The following ALKAL1 variants were observed in gnomAD, a reference collection of about 807,000 sequenced individuals.
ALKAL1 encodes the protein AUG-beta.
Under a neutral mutation model 13.5 loss-of-function variants are expected in ALKAL1, and 23 were observed. The observed-to-expected ratio is 1.70, with a 90% CI of 1.23 to 2.41. ALKAL1 has a LOEUF of 2.41. Ranked by LOEUF, ALKAL1 falls within the 30% of genes most tolerant of loss-of-function variation. The pLI, the probability that ALKAL1 is intolerant of heterozygous loss-of-function variation, is 0.00. For missense variants in ALKAL1, 181 were observed against 178.4 expected, an observed-to-expected ratio of 1.01 and a Z score of -0.08; for synonymous variants, 85 against 77.7, an observed-to-expected ratio of 1.09 and a Z score of -0.49.
intron 4 of ALKAL1, among the ~76,000 whole-genome samples, chr8:52,537,213 T>C (rs149083237): frequency 1.3e-5 from 2 of 151,990 alleles, no homozygotes; most frequent in East Asian, 3.9e-4. Flanking sequence ...AACAAATATA[T>C]GAAAAAAATG....
At chr8:52,548,186 T>C (rs1367369516) in intron 1 of ALKAL1, among the ~76,000 whole-genome samples, 1 of 151,954 alleles carries the variant, frequency 6.6e-6, no homozygotes, top group Non-Finnish European at 1.5e-5. Context: ...CTGTGTCTAC[T>C]AAAAATACAA....
chr8:52,547,402 A>G (rs1302081257), intron 1 of ALKAL1, among the ~76,000 whole-genome samples: 1 of 152,292 alleles, frequency 6.6e-6, no homozygotes, highest in African/African-American at 2.4e-5. Flanking sequence ...CGGAAGGCTG[A>G]GGGAGGAGAA....
At chr8:52,552,596 T>C (rs531880578) in intron 1 of ALKAL1, among the ~76,000 whole-genome samples, 2 of 152,366 alleles carry the variant, frequency 1.3e-5, no homozygotes, top group African/African-American at 2.4e-5. Flanking sequence ...ACACAAGCAA[T>C]GACTGATGAA....
At chr8:52,540,378 C>T (rs1007820683) in intron 2 of ALKAL1, among the ~76,000 whole-genome samples, 10 of 152,014 alleles carry the variant, frequency 6.6e-5, no homozygotes, top group African/African-American at 2.2e-4. Context: ...GTAAAATGAG[C>T]AGGGCCTTGA....
At chr8:52,552,423 G>A (rs559157828) in intron 1 of ALKAL1, among the ~76,000 whole-genome samples, 14 of 151,626 alleles carry the variant, frequency 9.2e-5, no homozygotes, top group South Asian at 8.5e-4. Context: ...CCCCAGCCCC[G>A]TACTGTACTT....
At position 52,542,463 on chromosome 8, in the gene ALKAL1, AC is replaced by A. The variant is rs1563320416; in HGVS notation, c.191-19del. On this transcript the variant is annotated intron_variant, in intron 1 of 4. Coordinates refer to ENST00000358543, the MANE Select transcript of ALKAL1 (RefSeq NM_207413.4). ...GAATATTTCTGAAAAGAAAAAAAAA[AC>A]CATCAGAATTTATTGAATGCATTTC... 6.9e-7 allele frequency: 1 copy of A among 1,445,416 alleles called. No homozygotes were observed. Among genetic ancestry groups the A allele is most frequent in the Admixed American group, 2.0e-5 (1 of 49,712 alleles). The allele number at this position is 1,445,416 out of a possible 1,614,324, so 89.5% of individuals were successfully genotyped here. A position where few individuals can be genotyped will look rare whatever the true frequency, so the allele number is the denominator to read the frequency against.
At chr8:52,541,052 T>C (rs933173693) in intron 2 of ALKAL1, among the ~76,000 whole-genome samples, 2 of 152,106 alleles carry the variant, frequency 1.3e-5, no homozygotes, top group Non-Finnish European at 2.9e-5. Context: ...ATAGTAAATA[T>C]GGGGATGTAC....
intron 1 of ALKAL1, among the ~76,000 whole-genome samples, chr8:52,550,521 A>G (rs1847419174): frequency 1.3e-5 from 2 of 152,164 alleles, no homozygotes; most frequent in African/African-American, 2.4e-5. Context: ...ACGACCATAT[A>G]TTGTGTATTT....
At chr8:52,538,409 A>T (rs13280500) in intron 4 of ALKAL1, 22 bp downstream of exon 4, 3 of 1,396,736 alleles carry the variant, frequency 2.1e-6, no homozygotes, top group East Asian at 2.3e-5. Context: ...AAACAGGATA[A>T]GAAAAATAAA....
At chr8:52,544,407 C>T (rs547630613) in intron 1 of ALKAL1, among the ~76,000 whole-genome samples, 5 of 152,192 alleles carry the variant, frequency 3.3e-5, no homozygotes, top group African/African-American at 7.2e-5. Context: ...AAGACTGCAG[C>T]GTGTTCAAGT....
chr8:52,556,413 C>T (rs554929261), intron 1 of ALKAL1, among the ~76,000 whole-genome samples: 9 of 151,660 alleles, frequency 5.9e-5, no homozygotes, highest in Admixed American at 3.3e-4. Flanking sequence ...TTTGGGAGGC[C>T]GAGACGGGCG....
chr8:52,556,420 G>A (rs2150347323), intron 1 of ALKAL1, among the ~76,000 whole-genome samples: 1 of 152,034 alleles, frequency 6.6e-6, no homozygotes, highest in Middle Eastern at 3.4e-3. Flanking sequence ...GGCCGAGACG[G>A]GCGGATCACG....
At chr8:52,546,793 G>T (rs1031938314) in intron 1 of ALKAL1, among the ~76,000 whole-genome samples, 14 of 152,340 alleles carry the variant, frequency 9.2e-5, no homozygotes, top group Admixed American at 8.5e-4. Context: ...CAGGTGTATT[G>T]TTGCCATTGT....
chr8:52,562,382 T>A (rs1039868506), intron 1 of ALKAL1, among the ~76,000 whole-genome samples: 15 of 152,076 alleles, frequency 9.9e-5, no homozygotes, highest in African/African-American at 3.6e-4. Context: ...GTCAACAATG[T>A]TGCCCATCCC....
At chr8:52,536,924 A>T (rs1847271189) in intron 4 of ALKAL1, among the ~76,000 whole-genome samples, 1 of 152,202 alleles carries the variant, frequency 6.6e-6, no homozygotes, top group South Asian at 2.1e-4. Context: ...CCGAGTTTTA[A>T]CATTTAGTGA....
At chr8:52,535,504 T>C (rs1847256352) in intron 4 of ALKAL1, among the ~76,000 whole-genome samples, 1 of 118,224 alleles carries the variant, frequency 8.5e-6, no homozygotes, top group Non-Finnish European at 1.6e-5. Context: ...CGAGCTATGA[T>C]CAAGCCACTG....
intron 4 of ALKAL1, among the ~76,000 whole-genome samples, chr8:52,537,484 A>G (rs755948431): frequency 2.6e-5 from 4 of 152,170 alleles, no homozygotes; most frequent in Non-Finnish European, 5.9e-5. Context: ...TATTTATCCA[A>G]AGGAAAGGAA....
intron 1 of ALKAL1, among the ~76,000 whole-genome samples, chr8:52,549,940 T>C (rs1041815493): frequency 6.6e-6 from 1 of 152,044 alleles, no homozygotes; most frequent in Non-Finnish European, 1.5e-5. Context: ...AGACTCCATC[T>C]CAAAAATAAA....
intron 4 of ALKAL1, among the ~76,000 whole-genome samples, chr8:52,535,027 G>A (rs2150342703): frequency 6.6e-6 from 1 of 152,206 alleles, no homozygotes; most frequent in South Asian, 2.1e-4. Flanking sequence ...TATCAGCTCT[G>A]TCTTCTATGA....
Sources: allele counts gnomAD v4.1 joint callset (sites outside exome capture counted in the v4.1 genomes callset), GRCh38; gene constraint gnomAD v4.1.1; transcripts MANE v1.5; gene names NCBI Gene and HGNC (gene_info 2026-07-23, HGNC 2026-07-21).